The following NELL1 variants were observed in gnomAD, a reference collection of about 807,000 sequenced individuals.
The protein encoded by NELL1 is neural EGFL like 1.
A neutral mutation model predicts 107.4 loss-of-function variants in NELL1; 76 were observed. The observed-to-expected ratio is 0.71, with a 90% CI of 0.59 to 0.86. The LOEUF is 0.86. NELL1 is among the 40% of genes least tolerant of loss of function. NELL1 has a pLI of 0.00. For missense variants in NELL1, 1,024 were observed against 1,005.5 expected (o/e 1.02, Z -0.25); for synonymous variants, 353 against 341.2 (o/e 1.03, Z -0.38).
intron 3 of NELL1, among the ~76,000 whole-genome samples, chr11:20,819,705 A>G (rs10741855): frequency 0.97 from 147,292 of 152,268 alleles, 71,430 homozygotes; most frequent in East Asian, 1. Context: ...TAGACCCCAG[A>G]AATGGGTGGG....
At chr11:21,127,185 A>G (rs1855504955) in intron 13 of NELL1, among the ~76,000 whole-genome samples, 1 of 152,202 alleles carries the variant, frequency 6.6e-6, no homozygotes. Context: ...GGGAATTCGC[A>G]ACACACAGAG....
At chr11:20,869,983 G>A (rs1426829639) in intron 4 of NELL1, among the ~76,000 whole-genome samples, 2 of 152,210 alleles carry the variant, frequency 1.3e-5, no homozygotes, top group African/African-American at 4.8e-5. Context: ...TAAGGAAAAG[G>A]ATGTAGCTGG....
At chr11:20,751,793 T>G (rs1373848795) in intron 2 of NELL1, among the ~76,000 whole-genome samples, 1 of 152,226 alleles carries the variant, frequency 6.6e-6, no homozygotes, top group Non-Finnish European at 1.5e-5. Context: ...GCCAGCTTTT[T>G]GTTGGATTTA....
At chr11:21,155,862 G>C (rs1047570627) in intron 13 of NELL1, among the ~76,000 whole-genome samples, 10 of 152,160 alleles carry the variant, frequency 6.6e-5, no homozygotes, top group African/African-American at 2.2e-4. Flanking sequence ...GGAGAGACTT[G>C]AGAATACCTT....
chr11:20,757,361 A>G (rs531024207), intron 2 of NELL1, among the ~76,000 whole-genome samples: 70 of 152,192 alleles, frequency 4.6e-4, no homozygotes, highest in African/African-American at 1.6e-3. Flanking sequence ...CTGCCTTACT[A>G]TAATCCCCCA....
chr11:20,740,304 G>A (rs555139989), intron 2 of NELL1, among the ~76,000 whole-genome samples: 1 of 152,278 alleles, frequency 6.6e-6, no homozygotes, highest in East Asian at 1.9e-4. Context: ...AACTAGGAAA[G>A]GAGAAGGTCT....
At chr11:21,347,659 C>T (rs1850715093) in intron 14 of NELL1, among the ~76,000 whole-genome samples, 1 of 152,206 alleles carries the variant, frequency 6.6e-6, no homozygotes, top group South Asian at 2.1e-4. Context: ...CTAGAGGTGT[C>T]ATTTTTCTTA....
intron 13 of NELL1, among the ~76,000 whole-genome samples, chr11:21,219,425 G>A (rs750638368): frequency 4.6e-5 from 7 of 152,078 alleles, no homozygotes; most frequent in Non-Finnish European, 1.0e-4. Context: ...GCCCCATTTC[G>A]TAGGTTGTCT....
intron 13 of NELL1, among the ~76,000 whole-genome samples, chr11:21,199,153 A>T (rs1158142625): frequency 1.3e-5 from 2 of 151,822 alleles, no homozygotes; most frequent in African/African-American, 2.4e-5. Flanking sequence ...TCTTCTTACT[A>T]CCCCTCTTCT....
intron 14 of NELL1, among the ~76,000 whole-genome samples, chr11:21,290,398 GATAAATAAATAAATAA>G (rs367977438): frequency 6.8e-6 from 1 of 146,400 alleles, no homozygotes; most frequent in African/African-American, 2.6e-5. Context: ...AAAATAAATA[GATAAATAAATAAATAA>G]ATAAATAAAT....
rs367625761 is a variant in NELL1, at chr11:21,196,009, T to G, written c.1427-33323T>G. 1.4e-3 allele frequency among the ~76,000 whole-genome samples: 220 copies of G among 152,310 alleles called. 5 individuals carry two copies. In the South Asian group the frequency reaches 0.045, roughly 31 times the overall value. Reference sequence around the variant, plus strand: ...TGAGTCAAAGCAGAATACTTGACATTTCTTTAGGGTTATTTGGTTTTATTG... The same window carrying G: ...TGAGTCAAAGCAGAATACTTGACATGTCTTTAGGGTTATTTGGTTTTATTG... On this transcript the variant is annotated intron_variant, in intron 13 of 19. Transcript: ENST00000357134.
At chr11:20,671,517 G>C (rs1340830296) in intron 1 of NELL1, among the ~76,000 whole-genome samples, 1 of 152,180 alleles carries the variant, frequency 6.6e-6, no homozygotes, top group African/African-American at 2.4e-5. Flanking sequence ...CGTGTTTCAG[G>C]GTTCATTGCT....
At chr11:21,095,543 C>T (rs1417347354) in intron 12 of NELL1, among the ~76,000 whole-genome samples, 2 of 152,132 alleles carry the variant, frequency 1.3e-5, no homozygotes, top group African/African-American at 4.8e-5. Context: ...TTTAATTGGA[C>T]TTACAGTTCC....
At chr11:21,476,793 G>A (rs986947373) in intron 15 of NELL1, among the ~76,000 whole-genome samples, 5 of 152,070 alleles carry the variant, frequency 3.3e-5, no homozygotes, top group African/African-American at 1.2e-4. Context: ...ATGTACTTAG[G>A]GAAGGGAGAG....
At chr11:20,853,834 G>GTGCA (rs960567840) in intron 4 of NELL1, among the ~76,000 whole-genome samples, 3 of 152,170 alleles carry the variant, frequency 2.0e-5, no homozygotes, top group African/African-American at 7.2e-5. Flanking sequence ...CTGGTCTGTA[G>GTGCA]TGCAGCACAG....
At chr11:21,074,637 G>T (rs1854091364) in intron 12 of NELL1, among the ~76,000 whole-genome samples, 1 of 150,726 alleles carries the variant, frequency 6.6e-6, no homozygotes, top group Admixed American at 6.7e-5. Flanking sequence ...GTCCTCCAGA[G>T]ATACTGATTT....
chr11:21,276,131 T>A (rs1848851531), intron 14 of NELL1, among the ~76,000 whole-genome samples: 1 of 152,226 alleles, frequency 6.6e-6, no homozygotes, highest in Non-Finnish European at 1.5e-5. Context: ...GCAGATGACA[T>A]GATTGTATAT....
chr11:21,348,586 G>C (rs1169497540), intron 14 of NELL1, among the ~76,000 whole-genome samples: 1 of 152,052 alleles, frequency 6.6e-6, no homozygotes, highest in African/African-American at 2.4e-5. Flanking sequence ...GCATTTTGGG[G>C]TGGGGTTAAA....
At chr11:21,117,085 T>C (rs1490130547) in intron 13 of NELL1, among the ~76,000 whole-genome samples, 1 of 152,004 alleles carries the variant, frequency 6.6e-6, no homozygotes, top group African/African-American at 2.4e-5. Flanking sequence ...TTTCTGTTTG[T>C]TAAGACCTTT....
Sources: allele counts gnomAD v4.1 joint callset (sites outside exome capture counted in the v4.1 genomes callset), GRCh38; gene constraint gnomAD v4.1.1; transcripts MANE v1.5; gene names NCBI Gene and HGNC (gene_info 2026-07-23, HGNC 2026-07-21).